The following RASIP1 variants were observed in gnomAD, a reference collection of about 807,000 sequenced individuals.
RASIP1 encodes ras-interacting protein 1.
A neutral mutation model predicts 85.3 loss-of-function variants in RASIP1; 20 were observed. That is an observed-to-expected ratio of 0.23 (90% CI 0.17 to 0.34). The LOEUF (loss-of-function observed/expected upper bound fraction) is 0.34. Among genes scored for constraint, RASIP1 ranks in the 10% least tolerant of loss-of-function variants. The pLI is 1.00. For synonymous variants in RASIP1, 617 were observed against 647.1 expected (o/e 0.95, Z 0.71); for missense variants, 1,170 against 1,390.9 (o/e 0.84, Z 2.53).
Position 48,729,565 on chromosome 19 carries a change from C to T in RASIP1, c.1205G>A (p.Arg402Gln). 1 of 1,600,866 alleles carries T rather than the reference C, an allele frequency of 6.2e-7. No individual in the cohort carries two copies. The highest frequency in any genetic ancestry group is 8.5e-7 in the Non-Finnish European group (1 of 1,174,214). ...ACCTCGCCCAAACACGTGCTGCTCT[C>T]GCGTCATCACATACACCACAAAGTC... ...AQDFVVYVMT[R>Q]EQHVFGRGGN... The change falls in exon 5 of 12, where the codon CGA (arginine) becomes CAA (glutamine). Residue 402 changes from arginine to glutamine, a missense_variant. By Grantham distance (43) the Arg-to-Gln change is conservative. Transcript: ENST00000222145.
intron 8 of RASIP1, chr19:48,725,238 G>T (rs1470897842): frequency 3.0e-6 from 1 of 338,830 alleles, no homozygotes; most frequent in Middle Eastern, 8.3e-4. Flanking sequence ...TGGACAAAGA[G>T]TTCCCTTTCA....
At chr19:48,730,078 G>A (rs281407) in intron 4 of RASIP1, among the ~76,000 whole-genome samples, 47,401 of 151,742 alleles carry the variant, frequency 0.31, 7,780 homozygotes, top group East Asian at 0.63. Context: ...CTAAGCACCC[G>A]CAACGCCACT....
intron 4 of RASIP1, among the ~76,000 whole-genome samples, chr19:48,733,543 C>T (rs1338407441): frequency 6.6e-5 from 10 of 152,156 alleles, no homozygotes; most frequent in Admixed American, 1.3e-4. Context: ...CGGTGGCTCA[C>T]GCCTGTAATC....
Position 48,727,146 on chromosome 19 carries a change from C to A in RASIP1, c.1884G>T (p.Gly628=). The change falls in exon 7 of 12, where the codon GGG becomes GGT. Residue 628 remains glycine (G), a synonymous_variant. Transcript: ENST00000222145. ...GDRQPENHPE[G]VPEVPLTPEA... The stretch of plus-strand genomic sequence containing the variant: ...CAGGAGTCAGGGGCACCTCGGGGAC[C>A]CCCTCAGGGTGGCTTGAAAAAGAGG... 1.2e-6 allele frequency: 2 copies of A among 1,613,912 alleles called. No individual in the cohort carries two copies. The highest frequency in any genetic ancestry group is 8.5e-7 in the Non-Finnish European group (1 of 1,180,030).
chr19:48,720,728 G>A lies in RASIP1; in HGVS notation c.*70C>T. ...AACTACAACTCCCAGAAAGCTTTGCGCTCAGGCGGGCTCCTGTCCGTAGAA... is the reference window on the plus strand; with the variant it reads ...AACTACAACTCCCAGAAAGCTTTGCACTCAGGCGGGCTCCTGTCCGTAGAA... On this transcript the variant is annotated 3_prime_UTR_variant, in exon 12 of 12. Coordinates refer to ENST00000222145, the MANE Select transcript of RASIP1 (RefSeq NM_017805.3). 13 of 1,507,948 alleles carry A rather than the reference G, an allele frequency of 8.6e-6. No homozygotes were observed. The highest frequency in any genetic ancestry group is 1.2e-5 in the Non-Finnish European group (13 of 1,089,102). The allele number at this position is 1,507,948 out of a possible 1,614,324, so 93.4% of individuals were successfully genotyped here. A position where few individuals can be genotyped will look rare whatever the true frequency, so the allele number is the denominator to read the frequency against.
chr19:48,720,707 A>G lies in RASIP1; in HGVS notation c.*91T>C, dbSNP rs565169150. 1 of 1,397,954 alleles carries G rather than the reference A, an allele frequency of 7.2e-7. No individual in the cohort carries two copies. Among genetic ancestry groups the G allele is most frequent in the African/African-American group, 1.4e-5 (1 of 70,096 alleles). 86.6% of individuals were successfully genotyped at this position (1,397,954 alleles called of 1,614,324 possible). A position where few individuals can be genotyped will look rare whatever the true frequency, so the allele number is the denominator to read the frequency against. On this transcript the variant is annotated 3_prime_UTR_variant, in exon 12 of 12. Coordinates refer to ENST00000222145, the MANE Select transcript of RASIP1 (RefSeq NM_017805.3). Reference sequence around the variant, plus strand: ...CAACATTCCACGCGGGATAAGAACTACAACTCCCAGAAAGCTTTGCGCTCA... The same window carrying G: ...CAACATTCCACGCGGGATAAGAACTGCAACTCCCAGAAAGCTTTGCGCTCA...
chr19:48,725,639 A>G (rs140087218), intron 8 of RASIP1: 1 of 152,368 alleles, frequency 6.6e-6, no homozygotes, highest in African/African-American at 2.4e-5. Flanking sequence ...AGAGAAAAAG[A>G]TCTGTCGTTC....
rs1164975118 is a variant in RASIP1 at position 48,729,314 on chromosome 19, T to G, written c.1456A>C (p.Met486Leu). Residue 486 changes from methionine (M) to leucine (L), a missense_variant, in exon 5 of 12, where the codon ATG (methionine) becomes CTG (leucine). Met to Leu is a conservative substitution (Grantham distance 15). This residue lies in a region of RASIP1 where 426 missense variants were observed against 576.2 expected (regional missense o/e 0.74). Coordinates refer to ENST00000222145, the MANE Select transcript of RASIP1 (RefSeq NM_017805.3). ...CCCCCAGTGCGGGGGTCCTTGTACATGAACAGGAAGTGCTCGCCCAGCCCC... is the reference window on the plus strand; with the variant it reads ...CCCCCAGTGCGGGGGTCCTTGTACAGGAACAGGAAGTGCTCGCCCAGCCCC... Reference protein sequence around the residue: ...LLGLGEHFLFMYKDPRTGGSG... With the variant: ...LLGLGEHFLFLYKDPRTGGSG... 1 of 1,558,778 alleles carries G rather than the reference T, an allele frequency of 6.4e-7. No individual in the cohort carries two copies. Among genetic ancestry groups the G allele is most frequent in the East Asian group, 2.4e-5 (1 of 41,928 alleles).
At position 48,727,360 on chromosome 19, in the gene RASIP1, C is replaced by T. The variant is rs779757606; in HGVS notation, c.1871+33G>A. On this transcript the variant is annotated intron_variant, in intron 6 of 11. Coordinates refer to ENST00000222145, the MANE Select transcript of RASIP1 (RefSeq NM_017805.3). ...AGACGCAAAACCCAACCCCTGCATC[C>T]CTCCAGACCACTCTGCTCAGAATTT... The T allele has an allele frequency of 4.3e-6, 7 of 1,610,044 alleles. No homozygotes were observed. The South Asian group carries it at 4.4e-5, about 10-fold the overall frequency.
At chr19:48,731,251 C>T (rs957889470) in intron 4 of RASIP1, among the ~76,000 whole-genome samples, 38 of 152,050 alleles carry the variant, frequency 2.5e-4, no homozygotes, top group African/African-American at 8.7e-4. Context: ...CCTATTATTC[C>T]CACCCCCCTA....
chr19:48,739,246 C>G lies in RASIP1; in HGVS notation c.537G>C (p.Ala179=), dbSNP rs1481879242. 2 of 1,475,202 alleles carry G rather than the reference C, an allele frequency of 1.4e-6. No homozygotes were observed. The highest frequency in any genetic ancestry group is 2.4e-5 in the Admixed American group (1 of 41,496). The allele number at this position is 1,475,202 out of a possible 1,614,324, so 91.4% of individuals were successfully genotyped here. Residue 179 remains alanine, a synonymous_variant, in exon 3 of 12, where the codon GCG becomes GCC. Coordinates refer to ENST00000222145, the MANE Select transcript of RASIP1 (RefSeq NM_017805.3). This position sits in a 1 kb window ranked among gnomAD's most constrained non-coding sequence, Gnocchi z 9.2. ...RSTARELVAE[A]LERYGLAGSP... ...TGCCTGCTAGGCCGTAGCGCTCTAG[C>G]GCCTCGGCCACGAGCTCGCGCGCCG...
In RASIP1 at chr19:48,731,302, A is replaced by C. The variant is rs115102729; in HGVS notation, c.1180-1712T>G. On this transcript the variant is annotated intron_variant, in intron 4 of 11. Coordinates refer to ENST00000222145, the MANE Select transcript of RASIP1 (RefSeq NM_017805.3). The stretch of plus-strand genomic sequence containing the variant: ...GAGATAATCCCCCTTCCATCAATGG[A>C]TGTTCTCAATATTCCTACAATGGAC... Among the ~76,000 whole-genome samples, 478 of 151,560 alleles carry C rather than the reference A, an allele frequency of 3.2e-3. 4 individuals carry two copies. Among genetic ancestry groups the C allele is most frequent in the African/African-American group, 0.011 (453 of 41,338 alleles).
intron 8 of RASIP1, 189 bp from the exon 9 acceptor site, chr19:48,725,149 G>A (rs1330199753): frequency 4.7e-6 from 3 of 643,216 alleles, no homozygotes; most frequent in South Asian, 4.1e-5. Context: ...CAAGTTTCTC[G>A]AGTATTTTAA....
At chr19:48,726,082 A>G (rs1424898906) in intron 8 of RASIP1, among the ~76,000 whole-genome samples, 1 of 152,036 alleles carries the variant, frequency 6.6e-6, no homozygotes, top group East Asian at 1.9e-4. Flanking sequence ...ACGCGCTACC[A>G]TACCCAGCTA....
intron 10 of RASIP1, among the ~76,000 whole-genome samples, chr19:48,722,967 C>A (rs1000906373): frequency 5.3e-5 from 8 of 152,082 alleles, no homozygotes; most frequent in African/African-American, 1.7e-4. Context: ...CTCACTGCAG[C>A]CTCAACCTCC....
chr19:48,721,382 G>A (rs1471398903), intron 11 of RASIP1, among the ~76,000 whole-genome samples: 1 of 152,104 alleles, frequency 6.6e-6, no homozygotes, highest in Non-Finnish European at 1.5e-5. Context: ...AATAAAGGGA[G>A]CTGGGGGCTT....
rs563385587 is a variant in RASIP1 at position 48,725,096 on chromosome 19, A to C, written c.2128-136T>G. The C allele has an allele frequency of 1.1e-4, 122 of 1,061,092 alleles. No homozygotes were observed. In the African/African-American group the frequency reaches 1.8e-3, roughly 16 times the overall value. 65.7% of individuals were successfully genotyped at this position (1,061,092 alleles called of 1,614,324 possible). A position where few individuals can be genotyped will look rare whatever the true frequency, so the allele number is the denominator to read the frequency against. On this transcript the variant is annotated intron_variant, in intron 8 of 11. Coordinates refer to ENST00000222145, the MANE Select transcript of RASIP1 (RefSeq NM_017805.3). ...GTAGTCCATTCTACAGTCAACACCC[A>C]AAGGGTCTCCGTGAGCAAATCCCTA...
At chr19:48,730,702 T>G (rs1325506246) in intron 4 of RASIP1, among the ~76,000 whole-genome samples, 1 of 152,122 alleles carries the variant, frequency 6.6e-6, no homozygotes, top group Non-Finnish European at 1.5e-5. Context: ...TTTCTCAATA[T>G]TCCTCAAGCA....
chr19:48,722,052 A>G (rs767416652), intron 10 of RASIP1, 51 bp from the exon 11 acceptor site: 13 of 1,339,380 alleles, frequency 9.7e-6, no homozygotes, highest in Admixed American at 2.7e-5. Flanking sequence ...GGCAGTTAAG[A>G]AATGAAATGG....
Sources: gnomAD v4.1 joint callset for allele counts (sites outside exome capture counted in the v4.1 genomes callset) on GRCh38, gnomAD v4.1.1 for gene constraint, gnomAD v4.1.1 regional missense constraint, Gnocchi (gnomAD v3.1) non-coding constraint, MANE v1.5 for transcripts, NCBI Gene and HGNC (gene_info 2026-07-23, HGNC 2026-07-21) for gene names.